CBLB: variants seen among roughly 807,000 people sequenced by gnomAD.
CBLB encodes the protein E3 ubiquitin-protein ligase CBL-B.
In CBLB, 31 loss-of-function variants were observed where a neutral mutation model predicts 104.9. The ratio of observed to expected loss-of-function variants is 0.30; its 90% CI spans 0.22 to 0.40. The LOEUF is 0.40. Ranked by LOEUF, CBLB falls within the 10% of genes least tolerant of loss-of-function variation. CBLB has a pLI of 1.00. For missense variants in CBLB, 1,062 were observed against 1,214.6 expected, an observed-to-expected ratio of 0.87 and a Z score of 1.87; for synonymous variants, 440 against 422.6, an observed-to-expected ratio of 1.04 and a Z score of -0.51.
intron 4 of CBLB, among the ~76,000 whole-genome samples, chr3:105,775,447 A>C (rs1665285566): frequency 6.6e-6 from 1 of 152,244 alleles, no homozygotes; most frequent in Admixed American, 6.5e-5. Flanking sequence ...AGTGTATACT[A>C]ACAATTTTTA....
intron 8 of CBLB, among the ~76,000 whole-genome samples, 176 bp downstream of exon 8, chr3:105,736,995 T>C (rs2152868253): frequency 6.6e-6 from 1 of 152,262 alleles, no homozygotes; most frequent in African/African-American, 2.4e-5. Context: ...AGCATAAATT[T>C]GTATCAAAAA....
intron 3 of CBLB, among the ~76,000 whole-genome samples, chr3:105,848,946 A>T (rs186078231): frequency 2.0e-5 from 3 of 152,148 alleles, no homozygotes; most frequent in Non-Finnish European, 4.4e-5. Context: ...GAAACATTTC[A>T]TGGGAGACTT....
intron 9 of CBLB, among the ~76,000 whole-genome samples, chr3:105,732,552 C>A (rs2074427669): frequency 6.6e-6 from 1 of 152,090 alleles, no homozygotes; most frequent in Non-Finnish European, 1.5e-5. Context: ...GATCTCTGGG[C>A]ATTCAGAAAG....
chr3:105,780,130 G>T (rs1417747616), intron 3 of CBLB, among the ~76,000 whole-genome samples: 1 of 151,488 alleles, frequency 6.6e-6, no homozygotes, highest in African/African-American at 2.4e-5. Context: ...TGGGGTTACA[G>T]GCATGAGACA....
chr3:105,664,981 CT>C (rs2064211388), intron 18 of CBLB, among the ~76,000 whole-genome samples: 1 of 152,082 alleles, frequency 6.6e-6, no homozygotes, highest in Non-Finnish European at 1.5e-5. Context: ...ACAACATAAA[CT>C]TTATTAACAA....
Position 105,868,888 on chromosome 3 carries a change from G to A in CBLB, c.-167C>T, listed in dbSNP as rs1455085590. 3 of 1,017,038 alleles carry A rather than the reference G, an allele frequency of 2.9e-6. No homozygotes were observed. The highest frequency in any genetic ancestry group is 1.1e-4 in the East Asian group (1 of 8,922). 63.0% of individuals were successfully genotyped at this position (1,017,038 alleles called of 1,614,324 possible). A position where few individuals can be genotyped will look rare whatever the true frequency, so the allele number is the denominator to read the frequency against. ...GGAGCAACCCAGCGCGCAGGCCTCC[G>A]AGACGTGGAAACGCAACAATTACCG... On this transcript the variant is annotated 5_prime_UTR_variant, in exon 1 of 19. Coordinates refer to ENST00000394030, the MANE Select transcript of CBLB (RefSeq NM_170662.5).
At chr3:105,756,331 T>C (rs2077081143) in intron 4 of CBLB, among the ~76,000 whole-genome samples, 1 of 152,152 alleles carries the variant, frequency 6.6e-6, no homozygotes, top group South Asian at 2.1e-4. Flanking sequence ...TTATATTGGC[T>C]ATATATAACT....
At position 105,697,958 on chromosome 3, in the gene CBLB, CCAA is replaced by C. The variant is rs58977537; in HGVS notation, c.1959+4133_1959+4135del. Among the ~76,000 whole-genome samples, 939 of 151,916 alleles carry C rather than the reference CCAA, an allele frequency of 6.2e-3. 30 individuals are homozygous for C. The highest frequency in any genetic ancestry group is 0.051 in the East Asian group (262 of 5,168). On this transcript the variant is annotated intron_variant, in intron 12 of 18. Transcript: ENST00000394030. ...TTGCTCAGATAATTAAAACAAACCACCAACAACAATAAATATCTAGCCAACAAG... is the reference window on the plus strand; with the variant it reads ...TTGCTCAGATAATTAAAACAAACCACCAACAATAAATATCTAGCCAACAAG...
At position 105,868,984 on chromosome 3, in the gene CBLB, T is replaced by A. The variant is rs1203935524; in HGVS notation, c.-263A>T. ...AGGCCGCGGGACGCCGCAGCAGCAC[T>A]AGCAGGAGGAGGAGACCGCTCGCTG... On this transcript the variant is annotated 5_prime_UTR_variant, in exon 1 of 19. Coordinates refer to ENST00000394030, the MANE Select transcript of CBLB (RefSeq NM_170662.5). 9.6e-7 allele frequency: 1 copy of A among 1,043,484 alleles called. No homozygotes were observed. The highest frequency in any genetic ancestry group is 1.7e-5 in the African/African-American group (1 of 57,314). 64.6% of individuals were successfully genotyped at this position (1,043,484 alleles called of 1,614,324 possible). A position where few individuals can be genotyped will look rare whatever the true frequency, so the allele number is the denominator to read the frequency against.
intron 3 of CBLB, among the ~76,000 whole-genome samples, chr3:105,795,065 C>T (rs2082109924): frequency 6.6e-6 from 1 of 152,088 alleles, no homozygotes; most frequent in Non-Finnish European, 1.5e-5. Context: ...AGACACGCAC[C>T]ACCACGCCCG....
chr3:105,843,417 T>C (rs898916731), intron 3 of CBLB, among the ~76,000 whole-genome samples: 51 of 152,302 alleles, frequency 3.3e-4, no homozygotes, highest in African/African-American at 1.2e-3. Context: ...ATAAACAGAT[T>C]TAATAAGTTA....
At chr3:105,750,489 A>G (rs1236076887) in intron 5 of CBLB, among the ~76,000 whole-genome samples, 1 of 152,222 alleles carries the variant, frequency 6.6e-6, no homozygotes, top group Non-Finnish European at 1.5e-5. Flanking sequence ...ATATCAGAAC[A>G]TAAGTAAGCC....
chr3:105,751,884 T>C (rs138340199), intron 4 of CBLB, among the ~76,000 whole-genome samples: 109 of 152,272 alleles, frequency 7.2e-4, no homozygotes, highest in African/African-American at 2.1e-3. Flanking sequence ...TATAGAAACA[T>C]ATCTGAAAAA....
At chr3:105,793,810 G>C (rs1305158367) in intron 3 of CBLB, among the ~76,000 whole-genome samples, 1 of 151,966 alleles carries the variant, frequency 6.6e-6, no homozygotes, top group Non-Finnish European at 1.5e-5. Flanking sequence ...CTAATCACAG[G>C]TGAAGAACAA....
intron 18 of CBLB, 40 bp from the exon 19 acceptor site, chr3:105,659,269 A>G: frequency 6.3e-7 from 1 of 1,587,018 alleles, no homozygotes; most frequent in African/African-American, 1.3e-5. Flanking sequence ...TTAAACAGTG[A>G]AATAAAAATG....
chr3:105,716,629 T>C (rs1035952421), intron 10 of CBLB, among the ~76,000 whole-genome samples: 12 of 152,212 alleles, frequency 7.9e-5, no homozygotes, highest in Non-Finnish European at 1.3e-4. Flanking sequence ...ATCAGTTTAA[T>C]TGACTAGAGG....
intron 12 of CBLB, among the ~76,000 whole-genome samples, chr3:105,697,013 C>G (rs1379510035): frequency 1.3e-5 from 2 of 151,858 alleles, no homozygotes; most frequent in East Asian, 3.8e-4. Flanking sequence ...AGTCCTGCAT[C>G]TTGGAATTTT....
At chr3:105,754,162 G>C (rs1415654290) in intron 4 of CBLB, among the ~76,000 whole-genome samples, 1 of 151,830 alleles carries the variant, frequency 6.6e-6, no homozygotes, top group Non-Finnish European at 1.5e-5. Flanking sequence ...AGGGGGAAGG[G>C]GATTTCAAGA....
At chr3:105,682,625 G>T (rs902707022) in intron 14 of CBLB, among the ~76,000 whole-genome samples, 2 of 152,078 alleles carry the variant, frequency 1.3e-5, no homozygotes, top group Non-Finnish European at 2.9e-5. Flanking sequence ...CCATGCCTTA[G>T]CCTCCCAAGT....
Sources: gnomAD v4.1 joint callset for allele counts (sites outside exome capture counted in the v4.1 genomes callset) on GRCh38, gnomAD v4.1.1 for gene constraint, MANE v1.5 for transcripts, NCBI Gene and HGNC (gene_info 2026-07-23, HGNC 2026-07-21) for gene names.